The following EHBP1 variants were observed in gnomAD, a reference collection of about 807,000 sequenced individuals.
The protein encoded by EHBP1 is EH domain-binding protein 1.
A neutral mutation model predicts 144.0 loss-of-function variants in EHBP1; 55 were observed. That is an observed-to-expected ratio of 0.38 (90% CI 0.31 to 0.48). EHBP1 has a LOEUF of 0.48. Ranked by LOEUF, EHBP1 falls within the 20% of genes least tolerant of loss-of-function variation. The pLI is 0.98. For missense variants in EHBP1, 1,200 were observed against 1,364.2 expected (o/e 0.88, Z 1.90); for synonymous variants, 469 against 472.7 (o/e 0.99, Z 0.10).
chr2:62,965,744 G>T (rs188805017), intron 14 of EHBP1, among the ~76,000 whole-genome samples: 103 of 152,286 alleles, frequency 6.8e-4, no homozygotes, highest in African/African-American at 2.3e-3. Context: ...AAGAATCTGT[G>T]AGACAGCTCC....
At chr2:62,799,038 A>G (rs2043780747) in intron 5 of EHBP1, among the ~76,000 whole-genome samples, 2 of 150,254 alleles carry the variant, frequency 1.3e-5, no homozygotes, top group East Asian at 2.0e-4. Context: ...AATTCATGCT[A>G]TAGGAAATGT....
intron 2 of EHBP1, among the ~76,000 whole-genome samples, chr2:62,732,160 C>T (rs2037664342): frequency 6.6e-6 from 1 of 151,940 alleles, no homozygotes; most frequent in Non-Finnish European, 1.5e-5. Flanking sequence ...TCAATATTTT[C>T]CTTTGTGTTT....
upstream of EHBP1, among the ~76,000 whole-genome samples, chr2:62,704,865 C>T (rs2034404841): frequency 6.6e-6 from 1 of 152,160 alleles, no homozygotes; most frequent in Non-Finnish European, 1.5e-5. Flanking sequence ...GTGTCCCTGC[C>T]CTCACTCTGC....
chr2:63,019,320 T>G (rs1480569434), intron 19 of EHBP1, among the ~76,000 whole-genome samples: 1 of 152,200 alleles, frequency 6.6e-6, no homozygotes, highest in Non-Finnish European at 1.5e-5. Flanking sequence ...CATAGAGATT[T>G]AAGAGTATAG....
chr2:62,861,078 G>A (rs1043529678), intron 8 of EHBP1, among the ~76,000 whole-genome samples: 2 of 147,684 alleles, frequency 1.4e-5, no homozygotes, highest in African/African-American at 5.0e-5. Context: ...TTCTTTTTTT[G>A]CTTTTACAGG....
At chr2:62,774,552 C>T (rs967149623) in intron 5 of EHBP1, among the ~76,000 whole-genome samples, 1 of 152,114 alleles carries the variant, frequency 6.6e-6, no homozygotes, top group African/African-American at 2.4e-5. Context: ...AGTATTCATT[C>T]ATTCAGCACT....
intron 10 of EHBP1, among the ~76,000 whole-genome samples, chr2:62,938,703 C>T (rs945192426): frequency 1.3e-5 from 2 of 151,772 alleles, no homozygotes; most frequent in African/African-American, 2.4e-5. Flanking sequence ...TTTTCACCCA[C>T]CTTATAGAAA....
At chr2:62,873,933 AT>A (rs1273846424) in intron 9 of EHBP1, among the ~76,000 whole-genome samples, 1 of 152,184 alleles carries the variant, frequency 6.6e-6, no homozygotes, top group African/African-American at 2.4e-5. Flanking sequence ...TGAGGGAAGA[AT>A]TTAACATAGA....
At chr2:62,759,034 C>T (rs1006873522) in intron 3 of EHBP1, among the ~76,000 whole-genome samples, 26 of 152,092 alleles carry the variant, frequency 1.7e-4, no homozygotes, top group Non-Finnish European at 2.8e-4. Flanking sequence ...ACTAGGTACA[C>T]GTTTTTTAGG....
intron 5 of EHBP1, among the ~76,000 whole-genome samples, chr2:62,810,556 G>A (rs758355160): frequency 3.1e-4 from 47 of 152,334 alleles, no homozygotes; most frequent in South Asian, 1.0e-3. Context: ...GATGAGTTCA[G>A]TTTGGCTATG....
chr2:62,870,115 A>AT (rs2050343936), intron 9 of EHBP1, among the ~76,000 whole-genome samples: 1 of 152,178 alleles, frequency 6.6e-6, no homozygotes, highest in South Asian at 2.1e-4. Flanking sequence ...AACACTCTAT[A>AT]TGTGGGTTGA....
chr2:62,922,247 G>A (rs1203132688), intron 10 of EHBP1, among the ~76,000 whole-genome samples: 1 of 152,184 alleles, frequency 6.6e-6, no homozygotes, highest in Admixed American at 6.5e-5. Flanking sequence ...TCTTTATGTT[G>A]AGTAAGCTGA....
intron 3 of EHBP1, among the ~76,000 whole-genome samples, chr2:62,763,995 CTG>C (rs1182893923): frequency 1.3e-5 from 2 of 151,850 alleles, no homozygotes; most frequent in Non-Finnish European, 2.9e-5. Context: ...GCATGTTCTT[CTG>C]TGTGTATGAG....
chr2:62,715,088 ATG>A (rs1014777690), intron 2 of EHBP1, among the ~76,000 whole-genome samples: 10 of 152,216 alleles, frequency 6.6e-5, no homozygotes, highest in African/African-American at 2.4e-4. Context: ...TCCTGTAGCG[ATG>A]TTTTATGATA....
At chr2:63,019,649 A>G (rs182089901) in intron 19 of EHBP1, among the ~76,000 whole-genome samples, 39 of 150,986 alleles carry the variant, frequency 2.6e-4, no homozygotes, top group Admixed American at 1.3e-3. Context: ...GGAGGTTGCA[A>G]TGAACCAAGA....
intron 13 of EHBP1, 104 bp downstream of exon 13, chr2:62,949,266 T>G (rs1423294479): frequency 9.7e-7 from 1 of 1,031,638 alleles, no homozygotes; most frequent in Non-Finnish European, 1.4e-6. Flanking sequence ...AGGTGAAGTG[T>G]AATTTCTATT....
chr2:62,875,161 G>C (rs1049208136), intron 10 of EHBP1, among the ~76,000 whole-genome samples: 7 of 152,192 alleles, frequency 4.6e-5, no homozygotes, highest in Non-Finnish European at 1.0e-4. Flanking sequence ...CACATGCACA[G>C]TCCCCACTGC....
chr2:62,728,343 C>T (rs1259712126), intron 2 of EHBP1, among the ~76,000 whole-genome samples: 1 of 152,216 alleles, frequency 6.6e-6, no homozygotes, highest in Non-Finnish European at 1.5e-5. Flanking sequence ...GTGGCCGCAT[C>T]ATTTCACATT....
chr2:62,851,071 TC>T (rs2048665141), intron 7 of EHBP1, among the ~76,000 whole-genome samples: 1 of 152,198 alleles, frequency 6.6e-6, no homozygotes, highest in Admixed American at 6.5e-5. Context: ...CATCAAATCT[TC>T]TTAATTTATT....
Sources: gnomAD v4.1 joint callset for allele counts (sites outside exome capture counted in the v4.1 genomes callset) on GRCh38, gnomAD v4.1.1 for gene constraint, MANE v1.5 for transcripts, NCBI Gene and HGNC (gene_info 2026-07-23, HGNC 2026-07-21) for gene names.